PTGER3: variants seen among roughly 807,000 people sequenced by gnomAD.
The protein encoded by PTGER3 is prostaglandin E2 receptor EP3 subtype.
A neutral mutation model predicts 34.7 loss-of-function variants in PTGER3; 22 were observed. The observed-to-expected ratio is 0.63, with a 90% CI of 0.45 to 0.91. The LOEUF (loss-of-function observed/expected upper bound fraction) is 0.91. Ranked by LOEUF, PTGER3 falls within the 40% of genes least tolerant of loss-of-function variation. The pLI is 0.00. For synonymous variants in PTGER3, 241 were observed against 230.1 expected (o/e 1.05, Z -0.43); for missense variants, 468 against 519.4 (o/e 0.90, Z 0.96).
chr1:70,877,379 T>C (rs76320260), intron 4 of PTGER3, among the ~76,000 whole-genome samples: 1,580 of 152,318 alleles, frequency 0.01, 23 homozygotes, highest in African/African-American at 0.036. Flanking sequence ...TTTTCAGGTA[T>C]AGAATCATAT....
chr1:71,022,617 C>T (rs537776465), intron 1 of PTGER3, among the ~76,000 whole-genome samples: 73 of 151,934 alleles, frequency 4.8e-4, no homozygotes, highest in South Asian at 8.3e-4. Context: ...AGGATGGACA[C>T]TGGGTGAATA....
chr1:70,937,362 C>T (rs865869278), intron 4 of PTGER3, among the ~76,000 whole-genome samples: 25 of 152,072 alleles, frequency 1.6e-4, no homozygotes, highest in African/African-American at 5.6e-4. Context: ...ATTTATTTGG[C>T]GGGCACTAGG....
chr1:70,956,713 A>T (rs1651373553), intron 2 of PTGER3, among the ~76,000 whole-genome samples: 1 of 152,146 alleles, frequency 6.6e-6, no homozygotes, highest in Non-Finnish European at 1.5e-5. Context: ...AAACTTTTAT[A>T]AATAAATATA....
At chr1:71,025,131 C>CCCTTCCTTCCTTCCTT (rs3044608) in intron 1 of PTGER3, among the ~76,000 whole-genome samples, 4,342 of 124,350 alleles carry the variant, frequency 0.035, 305 homozygotes, top group African/African-American at 0.13. Context: ...AGATTCCAGG[C>CCCTTCCTTCCTTCCTT]CCTTCCTTCC....
downstream of PTGER3, among the ~76,000 whole-genome samples, chr1:70,950,362 A>T (rs1264115129): frequency 6.6e-6 from 1 of 152,178 alleles, no homozygotes; most frequent in Non-Finnish European, 1.5e-5. Context: ...ATTCCTTTAA[A>T]ATAAACAGAC....
chr1:70,939,787 C>A (rs1433496893), intron 4 of PTGER3, among the ~76,000 whole-genome samples: 1 of 152,172 alleles, frequency 6.6e-6, no homozygotes, highest in African/African-American at 2.4e-5. Context: ...GTGGGCCCAG[C>A]TGATGAAATC....
rs1375671284 is a variant in PTGER3 at position 70,945,652 on chromosome 1, A to ATTT, written c.*23+8110_*23+8111insAAA. ...ATGTCAAGTTAAGAAGAAAACACTC[A>ATTT]TAAAACAGCCATTCCTTCTTAACAG... On this transcript the variant is annotated intron_variant, in intron 4 of 4. Coordinates refer to the PTGER3 transcript ENST00000370931. Among the ~76,000 whole-genome samples the ATTT allele has an allele frequency of 7.2e-5, 11 of 152,290 alleles. No individual in the cohort carries two copies. In the East Asian group the frequency reaches 1.5e-3, roughly 21 times the overall value.
intron 1 of PTGER3, among the ~76,000 whole-genome samples, chr1:71,025,987 C>T (rs1658893130): frequency 6.6e-6 from 1 of 152,168 alleles, no homozygotes; most frequent in South Asian, 2.1e-4. Context: ...TGTGTGATTA[C>T]TCCCCCCTTG....
At chr1:71,023,525 C>T in intron 1 of PTGER3, among the ~76,000 whole-genome samples, 1 of 151,902 alleles carries the variant, frequency 6.6e-6, no homozygotes, top group East Asian at 1.9e-4. Context: ...ATAGGCCATA[C>T]CTTTTCTCTG....
At chr1:70,903,821 A>T (rs1449683775) in intron 4 of PTGER3, among the ~76,000 whole-genome samples, 1 of 152,116 alleles carries the variant, frequency 6.6e-6, no homozygotes, top group East Asian at 1.9e-4. Flanking sequence ...TCAGCTACTT[A>T]CTCTTGTAAT....
downstream of PTGER3, among the ~76,000 whole-genome samples, chr1:70,970,272 T>C (rs1025376329): frequency 7.2e-5 from 11 of 152,136 alleles, 1 homozygote; most frequent in Admixed American, 6.6e-4. Context: ...CACAGGTGAA[T>C]GAGGAACAGA....
At chr1:70,927,414 C>T (rs1307349285) in intron 4 of PTGER3, among the ~76,000 whole-genome samples, 1 of 152,056 alleles carries the variant, frequency 6.6e-6, no homozygotes, top group Non-Finnish European at 1.5e-5. Flanking sequence ...CTAGCTTGAA[C>T]AACCAATGCC....
rs1265612032 is a variant in PTGER3, at chr1:70,855,105, A to G, written c.*24-2246T>C. On this transcript the variant is annotated intron_variant, in intron 4 of 4. Transcript: ENST00000370931. ...ACTGACATATAAATGGATACAGAGAATGGAGTATATACATACAGTGGAATA... is the reference window on the plus strand; with the variant it reads ...ACTGACATATAAATGGATACAGAGAGTGGAGTATATACATACAGTGGAATA... Among the ~76,000 whole-genome samples the G allele has an allele frequency of 4.6e-5, 7 of 152,274 alleles. No individual in the cohort carries two copies. In the East Asian group the frequency reaches 9.6e-4, roughly 21 times the overall value.
intron 1 of PTGER3, among the ~76,000 whole-genome samples, chr1:71,043,792 T>C (rs924168924): frequency 2.6e-4 from 40 of 152,126 alleles, no homozygotes; most frequent in African/African-American, 9.2e-4. Flanking sequence ...GTAAATCTTT[T>C]TGAAGATATT....
intron 2 of PTGER3, among the ~76,000 whole-genome samples, chr1:70,977,577 C>G (rs538949645): frequency 1.3e-5 from 2 of 152,192 alleles, no homozygotes; most frequent in South Asian, 4.1e-4. Context: ...TGTAACTTGG[C>G]ATAAATCTAG....
chr1:71,042,845 A>T (rs1382332519), intron 1 of PTGER3, among the ~76,000 whole-genome samples: 1 of 152,222 alleles, frequency 6.6e-6, no homozygotes, highest in Admixed American at 6.5e-5. Flanking sequence ...GTATTTGTGG[A>T]TACTGAGCAG....
At chr1:71,009,696 G>A in intron 2 of PTGER3, 1 of 984,744 alleles carries the variant, frequency 1.0e-6, no homozygotes, top group Non-Finnish European at 1.2e-6. Context: ...GCCTTTAATT[G>A]TCTTTTAACC....
intron 4 of PTGER3, among the ~76,000 whole-genome samples, chr1:70,933,550 G>T (rs1648928334): frequency 1.3e-5 from 2 of 152,168 alleles, no homozygotes; most frequent in South Asian, 4.1e-4. Context: ...GCACAGAGAT[G>T]ATCTCAGATT....
At chr1:70,855,711 G>A (rs2100441260) in intron 4 of PTGER3, among the ~76,000 whole-genome samples, 1 of 152,184 alleles carries the variant, frequency 6.6e-6, no homozygotes. Context: ...GGTGTTTTCT[G>A]TGTGTTTGGA....
Sources: allele counts gnomAD v4.1 joint callset (sites outside exome capture counted in the v4.1 genomes callset), GRCh38; gene constraint gnomAD v4.1.1; transcripts MANE v1.5; gene names NCBI Gene and HGNC (gene_info 2026-07-23, HGNC 2026-07-21).